COMMD1: variants seen among roughly 807,000 people sequenced by gnomAD.
COMMD1 encodes the protein COMM domain-containing protein 1.
COMMD1 carries 10 observed loss-of-function variants against 17.2 expected under a neutral mutation model. The observed-to-expected ratio is 0.58, with a 90% CI of 0.36 to 0.99. COMMD1 has a LOEUF of 0.99. Among genes scored for constraint, COMMD1 ranks in the 50% least tolerant of loss-of-function variants. The pLI, the probability that COMMD1 is intolerant of heterozygous loss-of-function variation, is 0.01. For missense variants in COMMD1, 270 were observed against 231.8 expected (o/e 1.17, Z -1.07); for synonymous variants, 97 against 91.6 (o/e 1.06, Z -0.34).
intron 1 of COMMD1, among the ~76,000 whole-genome samples, chr2:61,939,354 T>C (rs1404755634): frequency 6.6e-6 from 1 of 150,530 alleles, no homozygotes; most frequent in African/African-American, 2.5e-5. Flanking sequence ...TGGTCCCAGC[T>C]ACTCGGGAGG....
At chr2:62,101,841 C>T (rs1672188091) in intron 2 of COMMD1, among the ~76,000 whole-genome samples, 1 of 152,182 alleles carries the variant, frequency 6.6e-6, no homozygotes, top group Non-Finnish European at 1.5e-5. Flanking sequence ...CTTGGTAGCT[C>T]TCTAAACACT....
chr2:61,989,403 T>C (rs1454005561), intron 1 of COMMD1, among the ~76,000 whole-genome samples: 1 of 151,964 alleles, frequency 6.6e-6, no homozygotes, highest in Non-Finnish European at 1.5e-5. Flanking sequence ...TGTCCAAAAA[T>C]CTCTGGGATC....
At chr2:62,119,050 A>G (rs1672675934) in intron 2 of COMMD1, 1 of 152,258 alleles carries the variant, frequency 6.6e-6, no homozygotes, top group African/African-American at 2.4e-5. Flanking sequence ...TTTGGAGATA[A>G]ACACATAAAG....
At chr2:62,007,102 A>C (rs1669143267) in intron 2 of COMMD1, among the ~76,000 whole-genome samples, 1 of 152,202 alleles carries the variant, frequency 6.6e-6, no homozygotes, top group Non-Finnish European at 1.5e-5. Context: ...CCAAAATATA[A>C]AACTCTTTTC....
intron 2 of COMMD1, among the ~76,000 whole-genome samples, chr2:62,029,984 C>T (rs921848558): frequency 6.6e-6 from 1 of 152,244 alleles, no homozygotes; most frequent in South Asian, 2.1e-4. Context: ...GGAAATTGTT[C>T]ATTTTCATGC....
At chr2:62,064,260 A>G (rs61368412) in intron 2 of COMMD1, among the ~76,000 whole-genome samples, 19,812 of 151,702 alleles carry the variant, frequency 0.13, 3,209 homozygotes, top group African/African-American at 0.38. Context: ...TGCAACCTCC[A>G]CCTCCTGGGT....
chr2:61,918,219 A>G (rs1289983150), intron 1 of COMMD1, among the ~76,000 whole-genome samples: 6 of 152,254 alleles, frequency 3.9e-5, no homozygotes, highest in African/African-American at 1.4e-4. Flanking sequence ...TTTAATTTAG[A>G]AATACCATTT....
chr2:62,106,425 C>G (rs1672325629), intron 2 of COMMD1, among the ~76,000 whole-genome samples: 1 of 152,114 alleles, frequency 6.6e-6, no homozygotes, highest in African/African-American at 2.4e-5. Flanking sequence ...TTTGTTTGTC[C>G]TACCCTGTCA....
chr2:61,940,931 G>A (rs913426610), intron 1 of COMMD1, among the ~76,000 whole-genome samples: 11 of 151,714 alleles, frequency 7.3e-5, no homozygotes, highest in East Asian at 5.8e-4. Flanking sequence ...CTCGTGATCC[G>A]CCCGCCTCGG....
intron 2 of COMMD1, among the ~76,000 whole-genome samples, chr2:62,006,098 A>G (rs1451965641): frequency 6.6e-6 from 1 of 150,724 alleles, no homozygotes; most frequent in Non-Finnish European, 1.5e-5. Flanking sequence ...CGCAAGGACA[A>G]AAAACCAAAC....
intron 2 of COMMD1, among the ~76,000 whole-genome samples, chr2:62,012,850 C>G (rs1308309565): frequency 6.6e-6 from 1 of 152,094 alleles, no homozygotes; most frequent in Non-Finnish European, 1.5e-5. Context: ...TGCCCAGACC[C>G]CATCTCAAAG....
intron 1 of COMMD1, among the ~76,000 whole-genome samples, chr2:61,955,282 T>C (rs1422492409): frequency 1.3e-5 from 2 of 151,510 alleles, no homozygotes; most frequent in Non-Finnish European, 2.9e-5. Flanking sequence ...AGAGCTGAGG[T>C]TGAGGATTGC....
chr2:61,888,526 T>A (rs780999473), upstream of COMMD1: 5 of 1,607,476 alleles, frequency 3.1e-6, no homozygotes, highest in South Asian at 4.4e-5. Context: ...CCGCTGTGTC[T>A]GGGTTGGCTC....
intron 1 of COMMD1, among the ~76,000 whole-genome samples, chr2:62,000,048 G>T (rs893758140): frequency 1.3e-5 from 2 of 149,934 alleles, no homozygotes; most frequent in African/African-American, 2.5e-5. Context: ...TCAGCCTCCC[G>T]AGTAGCTGGG....
chr2:61,933,772 C>CTTTTTTTTT (rs61702772), intron 1 of COMMD1, among the ~76,000 whole-genome samples: 2 of 148,582 alleles, frequency 1.3e-5, no homozygotes, highest in Non-Finnish European at 3.0e-5. Flanking sequence ...TTCTTTTTTT[C>CTTTTTTTTT]TTTTTTTTGA....
chr2:62,063,656 A>G (rs1231689873), intron 2 of COMMD1, among the ~76,000 whole-genome samples: 1 of 151,942 alleles, frequency 6.6e-6, no homozygotes, highest in Non-Finnish European at 1.5e-5. Flanking sequence ...TTTGACCTGC[A>G]TGTTTCTATA....
intron 1 of COMMD1, among the ~76,000 whole-genome samples, chr2:61,987,506 C>T (rs1177468870): frequency 6.6e-6 from 1 of 152,166 alleles, no homozygotes; most frequent in East Asian, 1.9e-4. Context: ...GGCAGAGACT[C>T]TTGTTCTCTT....
chr2:61,990,942 A>ACACACACACACAC (rs1553376512), intron 1 of COMMD1, among the ~76,000 whole-genome samples: 1 of 150,936 alleles, frequency 6.6e-6, no homozygotes, highest in Non-Finnish European at 1.5e-5. Context: ...ACACACACAT[A>ACACACACACACAC]ATGCCAGGCA....
At chr2:61,938,328 A>G (rs1299902351) in intron 1 of COMMD1, among the ~76,000 whole-genome samples, 1 of 151,504 alleles carries the variant, frequency 6.6e-6, no homozygotes, top group Non-Finnish European at 1.5e-5. Flanking sequence ...GGCACGCTCC[A>G]CTGGAAAAGG....
Sources: gnomAD v4.1 joint callset for allele counts (sites outside exome capture counted in the v4.1 genomes callset) on GRCh38, gnomAD v4.1.1 for gene constraint, MANE v1.5 for transcripts, NCBI Gene and HGNC (gene_info 2026-07-23, HGNC 2026-07-21) for gene names.